Variants in PHKA1 observed in about 807,000 individuals in gnomAD.
PHKA1 encodes phosphorylase kinase regulatory subunit alpha 1.
A neutral mutation model predicts 110.2 loss-of-function variants in PHKA1; 60 were observed. That is an observed-to-expected ratio of 0.54 (90% CI 0.44 to 0.68). The LOEUF is 0.68. PHKA1 is among the 30% of genes least tolerant of loss of function. PHKA1 has a pLI of 0.00. For missense variants in PHKA1, 801 were observed against 942.5 expected (o/e 0.85, Z 1.97); for synonymous variants, 316 against 333.6 (o/e 0.95, Z 0.58).
At chrX:72,700,820 C>T (rs1556329178) in intron 3 of PHKA1, among the ~76,000 whole-genome samples, 1 of 111,411 alleles carries the variant, frequency 9.0e-6, no homozygotes, top group Non-Finnish European at 1.9e-5. Context: ...TTCCAGGACT[C>T]ATGGAGAACT....
At chrX:72,711,152 C>A (rs904270189) in intron 2 of PHKA1, among the ~76,000 whole-genome samples, 4 of 110,695 alleles carry the variant, frequency 3.6e-5, no homozygotes, top group Admixed American at 2.9e-4. Context: ...TGAGCCACCG[C>A]GCCCGGCCTG....
chrX:72,680,834 C>G (rs1438791960), intron 5 of PHKA1, among the ~76,000 whole-genome samples: 3 of 79,336 alleles, frequency 3.8e-5, no homozygotes, highest in Admixed American at 2.8e-4. Flanking sequence ...GAGCGCCGCC[C>G]GGGAGGCAGC....
chrX:72,662,358 G>T (rs1299406975), intron 8 of PHKA1, among the ~76,000 whole-genome samples: 2 of 111,475 alleles, frequency 1.8e-5, no homozygotes, highest in Non-Finnish European at 3.8e-5. Flanking sequence ...CCCCACACAG[G>T]TGGCTGCAGT....
chrX:72,592,451 A>G (rs1018674274), intron 29 of PHKA1, among the ~76,000 whole-genome samples: 8 of 112,795 alleles, frequency 7.1e-5, no homozygotes, highest in African/African-American at 2.6e-4. Context: ...GCTGAGCATA[A>G]TAGTGTTCTT....
chrX:72,630,596 T>G (rs897930598), intron 16 of PHKA1, among the ~76,000 whole-genome samples: 1 of 110,850 alleles, frequency 9.0e-6, no homozygotes, highest in Non-Finnish European at 1.9e-5. Flanking sequence ...TTTTCAGTAC[T>G]TAAAAAATGT....
At chrX:72,626,078 A>G (rs2053061077) in intron 17 of PHKA1, among the ~76,000 whole-genome samples, 1 of 110,240 alleles carries the variant, frequency 9.1e-6, no homozygotes, top group African/African-American at 3.3e-5. Flanking sequence ...GTGTGTATAT[A>G]TATGTATATA....
chrX:72,627,263 G>A (rs1188159042), intron 16 of PHKA1, among the ~76,000 whole-genome samples: 2 of 111,676 alleles, frequency 1.8e-5, no homozygotes, highest in African/African-American at 6.5e-5. Flanking sequence ...TTCCTCAAAG[G>A]CATTATCTTA....
chrX:72,632,351 C>A (rs186309972), intron 16 of PHKA1, among the ~76,000 whole-genome samples: 34 of 111,489 alleles, frequency 3.0e-4, no homozygotes, highest in Non-Finnish European at 9.4e-5. Flanking sequence ...TTATTGAGTA[C>A]ATAAAATTTT....
intron 5 of PHKA1, among the ~76,000 whole-genome samples, chrX:72,681,809 C>T (rs1603270536): frequency 2.6e-5 from 1 of 37,809 alleles, no homozygotes; most frequent in African/African-American, 1.4e-4. Context: ...AGTGAGGAGC[C>T]CCTCTGCCCG....
chrX:72,712,871 A>G lies in PHKA1; in HGVS notation c.145T>C (p.Tyr49His). Residue 49 changes from tyrosine to histidine, a missense_variant, in exon 2 of 32, where the codon TAC becomes CAC. By Grantham distance (83) the Tyr-to-His change is moderately conservative. This residue lies in a region of PHKA1 where 299 missense variants were observed against 423.3 expected (regional missense o/e 0.71). Coordinates refer to ENST00000373542, the MANE Select transcript of PHKA1 (RefSeq NM_002637.4). The part of the protein sequence containing the change: ...QKDAWVRDNV[Y>H]SILAVWGLGL... ...AAACCCCACACAGCCAAGATGCTGTACACATTATCTCGGACCCAAGCATCT... is the reference window on the plus strand; with the variant it reads ...AAACCCCACACAGCCAAGATGCTGTGCACATTATCTCGGACCCAAGCATCT... The G allele has an allele frequency of 8.3e-7, 1 of 1,210,495 alleles. No homozygotes were observed. The highest frequency in any genetic ancestry group is 3.0e-5 in the East Asian group (1 of 33,846).
chrX:72,608,912 A>G (rs2052768207), intron 23 of PHKA1, among the ~76,000 whole-genome samples: 1 of 112,362 alleles, frequency 8.9e-6, no homozygotes, highest in Non-Finnish European at 1.9e-5. Context: ...TTATGAATGA[A>G]GTTAGAATCT....
chrX:72,713,040 A>T, intron 1 of PHKA1, 103 bp from the exon 2 acceptor site: 2 of 825,968 alleles, frequency 2.4e-6, no homozygotes, highest in Non-Finnish European at 3.6e-6. Flanking sequence ...TCTTTCTTCT[A>T]CTTCTCCACT....
rs782720858 is a variant in PHKA1 at position 72,708,805 on chromosome X, T to C, written c.238-3560A>G. 4.5e-5 allele frequency among the ~76,000 whole-genome samples: 5 copies of C among 111,862 alleles called. No homozygotes were observed. In the South Asian group the frequency reaches 1.5e-3, roughly 34 times the overall value. On this transcript the variant is annotated intron_variant, in intron 2 of 31. Transcript: ENST00000373542. ...ATTCACTCCCATCTTAGACAAAATA[T>C]GCACATTAGTACATCAAAGGCTCTG...
At chrX:72,587,086 A>C (rs996816403) in intron 29 of PHKA1, among the ~76,000 whole-genome samples, 4 of 110,763 alleles carry the variant, frequency 3.6e-5, no homozygotes, top group Non-Finnish European at 7.6e-5. Flanking sequence ...AGAGAACAAC[A>C]CAAAGATACT....
At chrX:72,692,803 T>C (rs1556323002) in intron 4 of PHKA1, among the ~76,000 whole-genome samples, 2 of 111,621 alleles carry the variant, frequency 1.8e-5, no homozygotes, top group African/African-American at 3.2e-5. Flanking sequence ...TGATTTTCTC[T>C]ATTGTTTTTT....
At chrX:72,621,909 A>G in intron 18 of PHKA1, 1 of 751,552 alleles carries the variant, frequency 1.3e-6, no homozygotes, top group Non-Finnish European at 1.6e-6. Context: ...GAATGCCATA[A>G]TGTCAAATTC....
At chrX:72,672,956 C>G (rs1178637370) in intron 6 of PHKA1, among the ~76,000 whole-genome samples, 6 of 111,978 alleles carry the variant, frequency 5.4e-5, no homozygotes, top group African/African-American at 1.9e-4. Context: ...CTGGCCTATG[C>G]TCTTCAAAAA....
chrX:72,656,048 G>A, intron 10 of PHKA1, 72 bp downstream of exon 10: 2 of 1,116,308 alleles, frequency 1.8e-6, no homozygotes, highest in Non-Finnish European at 1.2e-6. Flanking sequence ...TGGACACAGG[G>A]TTGGTATACT....
chrX:72,697,970 C>A (rs1347055244), intron 3 of PHKA1, among the ~76,000 whole-genome samples: 1 of 105,643 alleles, frequency 9.5e-6, no homozygotes, highest in Admixed American at 1.1e-4. Context: ...GGTGACAGAG[C>A]GAGACTCTGT....
Sources: allele counts gnomAD v4.1 joint callset (sites outside exome capture counted in the v4.1 genomes callset), GRCh38; gene constraint gnomAD v4.1.1; regional missense constraint gnomAD v4.1.1; transcripts MANE v1.5; gene names NCBI Gene and HGNC (gene_info 2026-07-23, HGNC 2026-07-21).